The following GNB1L variants were observed in gnomAD, a reference collection of about 807,000 sequenced individuals.
The protein encoded by GNB1L is guanine nucleotide-binding protein subunit beta-like protein 1.
GNB1L carries 20 observed loss-of-function variants against 29.1 expected under a neutral mutation model. That is an observed-to-expected ratio of 0.69 (90% confidence interval 0.48 to 1.00). The LOEUF is 1.00. Ranked by LOEUF, GNB1L falls within the 50% of genes least tolerant of loss-of-function variation. The pLI is 0.00. For missense variants in GNB1L, 421 were observed against 464.9 expected, an observed-to-expected ratio of 0.91 and a Z score of 0.87; for synonymous variants, 193 against 206.5, an observed-to-expected ratio of 0.93 and a Z score of 0.56.
At chr22:19,800,693 C>T (rs948751556) in intron 7 of GNB1L, among the ~76,000 whole-genome samples, 7 of 152,230 alleles carry the variant, frequency 4.6e-5, no homozygotes, top group African/African-American at 1.7e-4. Flanking sequence ...GTGCCCCCAT[C>T]CCCAGGACAG....
chr22:19,792,935 T>C (rs1452136393), intron 7 of GNB1L: 10 of 1,312,288 alleles, frequency 7.6e-6, no homozygotes, highest in Non-Finnish European at 9.8e-6. Flanking sequence ...ACAAAGGCAC[T>C]TTGGCTAAGC....
At chr22:19,792,158 C>T in intron 7 of GNB1L, 1 of 578,836 alleles carries the variant, frequency 1.7e-6, no homozygotes, top group South Asian at 2.3e-5. Context: ...ATATATGACC[C>T]ATAGTCAAGG....
At chr22:19,826,439 CGA>C (rs1398195817) in intron 2 of GNB1L, among the ~76,000 whole-genome samples, 2 of 152,112 alleles carry the variant, frequency 1.3e-5, no homozygotes, top group Admixed American at 6.5e-5. Flanking sequence ...GCACTGTAAT[CGA>C]GAGTCATGAG....
At chr22:19,804,175 G>A (rs1358459582) in intron 6 of GNB1L, among the ~76,000 whole-genome samples, 1 of 152,272 alleles carries the variant, frequency 6.6e-6, no homozygotes, top group Non-Finnish European at 1.5e-5. Flanking sequence ...CTTGTGGCTG[G>A]AGCACTTCGG....
chr22:19,809,895 C>T (rs1937479484), intron 5 of GNB1L, among the ~76,000 whole-genome samples: 1 of 152,216 alleles, frequency 6.6e-6, no homozygotes, highest in Non-Finnish European at 1.5e-5. Flanking sequence ...CCACCTCAGC[C>T]TCCCCAGTAG....
intron 7 of GNB1L, among the ~76,000 whole-genome samples, chr22:19,795,459 C>T (rs964944377): frequency 1.5e-4 from 23 of 152,238 alleles, no homozygotes; most frequent in African/African-American, 5.3e-4. Flanking sequence ...GGAACACACG[C>T]TCCTTTCAAG....
At chr22:19,849,731 T>C (rs916101654) in intron 2 of GNB1L, 3 of 985,308 alleles carry the variant, frequency 3.0e-6, no homozygotes, top group Admixed American at 6.1e-5. Flanking sequence ...TGGCTGTATT[T>C]CCAATTCACA....
rs758983343 is a variant in GNB1L at position 19,788,861 on chromosome 22, G to A, written c.832C>T (p.Arg278Cys). 1.0e-4 allele frequency: 168 copies of A among 1,612,758 alleles called. No individual in the cohort carries two copies. The highest frequency in any genetic ancestry group is 1.3e-4 in the Non-Finnish European group (153 of 1,179,940). The change falls in exon 8 of 8, where the codon CGC becomes TGC. Residue 278 changes from arginine to cysteine, a missense_variant. Physicochemically the swap from Arg to Cys is radical, Grantham distance 180. Coordinates refer to ENST00000329517, the MANE Select transcript of GNB1L (RefSeq NM_053004.3). ...LATAGWDHRI[R>C]VFHWRTMQPL... ...TGCATCGTCCGCCAGTGGAACACGC[G>A]GATGCGGTGGTCCCAGCCTGCGGTG...
Position 19,829,913 on chromosome 22 carries a change from G to A in GNB1L, c.-20-8538C>T, listed in dbSNP as rs549003583. Among the ~76,000 whole-genome samples the A allele has an allele frequency of 2.3e-4, 35 of 152,040 alleles. No individual in the cohort carries two copies. The South Asian group carries it at 7.3e-3, about 32-fold the overall frequency. ...CATATTATTTTATGAAGAAATATTG[G>A]GGACATTCCCACTAAGATCAGAATG... is the stretch of plus-strand genomic sequence containing the variant. On this transcript the variant is annotated intron_variant, in intron 2 of 7. Transcript: ENST00000329517.
At chr22:19,829,100 G>A (rs1252230526) in intron 2 of GNB1L, among the ~76,000 whole-genome samples, 1 of 152,200 alleles carries the variant, frequency 6.6e-6, no homozygotes, top group Non-Finnish European at 1.5e-5. Context: ...CCAAAGTGCT[G>A]GGATTACAGG....
At chr22:19,836,716 T>G (rs1274887712) in intron 2 of GNB1L, among the ~76,000 whole-genome samples, 1 of 152,148 alleles carries the variant, frequency 6.6e-6, no homozygotes, top group Non-Finnish European at 1.5e-5. Context: ...AGAAAAAGAA[T>G]ACACTGGAGC....
chr22:19,794,937 C>T lies in GNB1L; in HGVS notation c.733-5977G>A, dbSNP rs1196086935. Reference sequence around the variant, plus strand: ...CGGAGGTTGCAGTGAGCCGAGATCACGCCATTGCACTCCAGCCTGGTGACA... The same window carrying T: ...CGGAGGTTGCAGTGAGCCGAGATCATGCCATTGCACTCCAGCCTGGTGACA... On this transcript the variant is annotated intron_variant, in intron 7 of 7. Transcript: ENST00000329517. Among the ~76,000 whole-genome samples, 2 of 152,252 alleles carry T rather than the reference C, an allele frequency of 1.3e-5. 1 individual carries two copies. The highest frequency in any genetic ancestry group is 3.9e-4 in the East Asian group (2 of 5,186).
At chr22:19,842,394 G>A (rs1383847907) in intron 2 of GNB1L, among the ~76,000 whole-genome samples, 1 of 152,238 alleles carries the variant, frequency 6.6e-6, no homozygotes. Context: ...GTCAGTGGGG[G>A]CAGTCAGAGA....
chr22:19,801,227 A>T (rs950807756), intron 7 of GNB1L, among the ~76,000 whole-genome samples: 1 of 152,148 alleles, frequency 6.6e-6, no homozygotes, highest in Non-Finnish European at 1.5e-5. Flanking sequence ...TCAGGCTTCC[A>T]AGACTTCTGG....
intron 2 of GNB1L, among the ~76,000 whole-genome samples, chr22:19,835,984 G>C (rs1405060165): frequency 3.3e-5 from 5 of 152,056 alleles, no homozygotes; most frequent in African/African-American, 1.2e-4. Context: ...TCAATGACCT[G>C]GTTTATGCCT....
chr22:19,813,087 G>T (rs1481750739), intron 4 of GNB1L, among the ~76,000 whole-genome samples: 1 of 152,176 alleles, frequency 6.6e-6, no homozygotes, highest in East Asian at 1.9e-4. Context: ...GACATGGGCT[G>T]GCGGAGTCGA....
chr22:19,811,889 C>T lies in GNB1L; in HGVS notation c.417+396G>A, dbSNP rs747159196. 4.5e-4 allele frequency among the ~76,000 whole-genome samples: 68 copies of T among 152,210 alleles called. No individual in the cohort carries two copies. In the Middle Eastern group the frequency reaches 0.017, roughly 38 times the overall value. On this transcript the variant is annotated intron_variant, in intron 5 of 7. Transcript: ENST00000329517. ...TCCCACCGCCTCCTGCCAGCTGCCCCGGAGCGTTCCTCCCACTTGGGTCTA... is the reference window on the plus strand; with the variant it reads ...TCCCACCGCCTCCTGCCAGCTGCCCTGGAGCGTTCCTCCCACTTGGGTCTA...
chr22:19,805,675 A>G (rs1228846614), intron 6 of GNB1L, among the ~76,000 whole-genome samples: 1 of 152,152 alleles, frequency 6.6e-6, no homozygotes, highest in Non-Finnish European at 1.5e-5. Context: ...CCAGCTACTC[A>G]GGAGGCTGAG....
At chr22:19,804,600 A>C (rs760890728) in intron 6 of GNB1L, among the ~76,000 whole-genome samples, 17 of 152,094 alleles carry the variant, frequency 1.1e-4, no homozygotes, top group Admixed American at 2.0e-4. Flanking sequence ...CCCCAAAAAA[A>C]GAAAACCCTC....
Sources: allele counts gnomAD v4.1 joint callset (sites outside exome capture counted in the v4.1 genomes callset), GRCh38; gene constraint gnomAD v4.1.1; transcripts MANE v1.5; gene names NCBI Gene and HGNC (gene_info 2026-07-23, HGNC 2026-07-21).